The following VPS50 variants were observed in gnomAD, a reference collection of about 807,000 sequenced individuals.
VPS50 encodes the protein VPS50 subunit of EARP/GARPII complex, also known as syndetin.
In VPS50, 70 loss-of-function variants were observed where a neutral mutation model predicts 139.7. That is an observed-to-expected ratio of 0.50 (90% CI 0.41 to 0.61). The LOEUF is 0.61. Ranked by LOEUF, VPS50 falls within the 20% of genes least tolerant of loss-of-function variation. The pLI, the probability that VPS50 is intolerant of heterozygous loss-of-function variation, is 0.00. For missense variants in VPS50, 921 were observed against 1,133.7 expected (o/e 0.81, Z 2.69); for synonymous variants, 365 against 376.7 (o/e 0.97, Z 0.36).
chr7:93,315,968 T>G (rs1797416986), intron 20 of VPS50, among the ~76,000 whole-genome samples: 2 of 152,184 alleles, frequency 1.3e-5, no homozygotes, highest in African/African-American at 2.4e-5. Flanking sequence ...ATAAAAAAAT[T>G]TACAGTGTGT....
intron 4 of VPS50, among the ~76,000 whole-genome samples, chr7:93,255,436 C>T (rs1584392968): frequency 1.3e-5 from 2 of 152,088 alleles, no homozygotes; most frequent in African/African-American, 4.8e-5. Flanking sequence ...TGATGGGGAG[C>T]GGCTGTAAAT....
At chr7:93,247,679 A>G (rs1283379956) in intron 2 of VPS50, among the ~76,000 whole-genome samples, 3 of 152,070 alleles carry the variant, frequency 2.0e-5, no homozygotes, top group African/African-American at 7.2e-5. Flanking sequence ...TTGAGGGAAG[A>G]GCTATATTTT....
Position 93,360,756 on chromosome 7 carries a change from C to T in VPS50, c.*2320C>T, listed in dbSNP as rs1330517481. On this transcript the variant is annotated 3_prime_UTR_variant, in exon 28 of 28. Coordinates refer to ENST00000305866, the MANE Select transcript of VPS50 (RefSeq NM_017667.4). ...CATGGGAGCATGGTAAATTAGCATT[C>T]CCTGAGAAAGAATGATCATTTCTAC... The T allele has an allele frequency of 6.6e-6, 1 of 151,872 alleles. No homozygotes were observed. Among genetic ancestry groups the T allele is most frequent in the Admixed American group, 6.6e-5 (1 of 15,236 alleles). 9.4% of individuals were successfully genotyped at this position (151,872 alleles called of 1,614,324 possible).
At chr7:93,356,179 T>A in intron 27 of VPS50, 99 bp downstream of exon 27, 2 of 603,120 alleles carry the variant, frequency 3.3e-6, no homozygotes, top group Admixed American at 3.4e-5. Context: ...GAGTGAAATA[T>A]AAAGAAACAT....
intron 20 of VPS50, among the ~76,000 whole-genome samples, chr7:93,313,339 A>C (rs1013951779): frequency 2.0e-5 from 3 of 152,176 alleles, no homozygotes; most frequent in African/African-American, 7.2e-5. Flanking sequence ...AATCAAACAC[A>C]TCTAAGCAGT....
chr7:93,298,225 A>T (rs999658082), intron 16 of VPS50, among the ~76,000 whole-genome samples: 2 of 152,208 alleles, frequency 1.3e-5, no homozygotes, highest in Non-Finnish European at 2.9e-5. Context: ...GAGTTTCATG[A>T]CTGAGAATGT....
chr7:93,276,879 T>A (rs1274532077), intron 12 of VPS50, among the ~76,000 whole-genome samples: 1 of 152,120 alleles, frequency 6.6e-6, no homozygotes, highest in Non-Finnish European at 1.5e-5. Flanking sequence ...TTTGCTTTTA[T>A]AGGGAAGACT....
Position 93,269,516 on chromosome 7 carries a change from A to G in VPS50, c.660-1704A>G, listed in dbSNP as rs545878511. Among the ~76,000 whole-genome samples, 156 of 152,246 alleles carry G rather than the reference A, an allele frequency of 1.0e-3. No individual in the cohort carries two copies. The Middle Eastern group carries it at 0.017, about 17-fold the overall frequency. On this transcript the variant is annotated intron_variant, in intron 9 of 27. Coordinates refer to ENST00000305866, the MANE Select transcript of VPS50 (RefSeq NM_017667.4). ...TGATAAATACTATTTGCAGAAAATG[A>G]TCTAATTCCTCTAGATGTTTGGACA...
At chr7:93,292,713 T>C (rs1202475206) in intron 13 of VPS50, among the ~76,000 whole-genome samples, 1 of 152,142 alleles carries the variant, frequency 6.6e-6, no homozygotes, top group African/African-American at 2.4e-5. Flanking sequence ...TTAAATGTTT[T>C]GGTAGTTTAG....
At chr7:93,330,851 AAAG>A (rs1797920077) in intron 21 of VPS50, among the ~76,000 whole-genome samples, 1 of 151,974 alleles carries the variant, frequency 6.6e-6, no homozygotes, top group South Asian at 2.1e-4. Flanking sequence ...ATGGATTGGA[AAAG>A]AAGTTAGGTT....
intron 1 of VPS50, among the ~76,000 whole-genome samples, chr7:93,233,982 A>G (rs1297543050): frequency 6.6e-6 from 1 of 152,232 alleles, no homozygotes; most frequent in South Asian, 2.1e-4. Context: ...GAAAGCAGGA[A>G]AATTGGAAGC....
chr7:93,305,777 C>G (rs1402177375), intron 17 of VPS50, 51 bp from the exon 18 acceptor site: 1 of 1,374,690 alleles, frequency 7.3e-7, no homozygotes, highest in East Asian at 2.3e-5. Context: ...GGTTTATGTA[C>G]TAGAATTTTA....
chr7:93,321,741 C>T lies in VPS50; in HGVS notation c.1856-1870C>T, dbSNP rs552717588. The stretch of plus-strand genomic sequence containing the variant: ...CCTTTTTCAAGATTAGGTATATAAA[C>T]GATGGTTAATCTTTTCGGGAATGGA... On this transcript the variant is annotated intron_variant, in intron 20 of 27. Coordinates refer to ENST00000305866, the MANE Select transcript of VPS50 (RefSeq NM_017667.4). 1.4e-4 allele frequency among the ~76,000 whole-genome samples: 21 copies of T among 152,136 alleles called. No individual in the cohort carries two copies. The South Asian group carries it at 4.2e-3, about 30-fold the overall frequency.
At chr7:93,250,770 G>T (rs1366212539) in intron 2 of VPS50, among the ~76,000 whole-genome samples, 1 of 152,014 alleles carries the variant, frequency 6.6e-6, no homozygotes, top group African/African-American at 2.4e-5. Context: ...CTACAGAATG[G>T]GAGAAAATGT....
intron 18 of VPS50, among the ~76,000 whole-genome samples, chr7:93,306,418 A>G (rs992247765): frequency 2.0e-5 from 3 of 152,024 alleles, no homozygotes; most frequent in South Asian, 4.2e-4. Flanking sequence ...CCTTTATCTA[A>G]GAGAAAGTGG....
At chr7:93,280,121 C>A (rs955634998) in intron 12 of VPS50, among the ~76,000 whole-genome samples, 3 of 152,122 alleles carry the variant, frequency 2.0e-5, no homozygotes, top group Non-Finnish European at 4.4e-5. Context: ...CCATTTGTTT[C>A]TATTCACCAT....
chr7:93,350,396 T>C (rs1221865095), intron 25 of VPS50, among the ~76,000 whole-genome samples: 1 of 152,316 alleles, frequency 6.6e-6, no homozygotes, highest in East Asian at 1.9e-4. Flanking sequence ...ACCATGCCTC[T>C]GATTATTCGG....
intron 26 of VPS50, among the ~76,000 whole-genome samples, chr7:93,354,371 G>A (rs745479587): frequency 2.7e-5 from 4 of 150,406 alleles, no homozygotes; most frequent in African/African-American, 9.8e-5. Flanking sequence ...TGGGCTCACT[G>A]CAGCCTCTCC....
intron 17 of VPS50, 91 bp downstream of exon 17, chr7:93,303,641 C>T (rs1313191279): frequency 9.0e-6 from 5 of 555,762 alleles, no homozygotes; most frequent in Non-Finnish European, 1.6e-5. Flanking sequence ...TATATGAAAA[C>T]ATTTATAAAA....
Sources: gnomAD v4.1 joint callset for allele counts (sites outside exome capture counted in the v4.1 genomes callset) on GRCh38, gnomAD v4.1.1 for gene constraint, MANE v1.5 for transcripts, NCBI Gene and HGNC (gene_info 2026-07-23, HGNC 2026-07-21) for gene names.